The following PDCD11 variants were observed in gnomAD, a reference collection of about 807,000 sequenced individuals.
PDCD11 encodes the protein protein RRP5 homolog.
PDCD11 carries 97 observed loss-of-function variants against 198.9 expected under a neutral mutation model. The ratio of observed to expected loss-of-function variants is 0.49; its 90% CI spans 0.41 to 0.58. PDCD11 has a LOEUF of 0.58. PDCD11 is among the 20% of genes least tolerant of loss of function. The pLI, the probability that PDCD11 is intolerant of heterozygous loss-of-function variation, is 0.00. For missense variants in PDCD11, 2,102 were observed against 2,312.7 expected (o/e 0.91, Z 1.87); for synonymous variants, 893 against 918.0 (o/e 0.97, Z 0.49).
intron 21 of PDCD11, among the ~76,000 whole-genome samples, chr10:103,429,665 C>T (rs2031844705): frequency 6.6e-6 from 1 of 151,972 alleles, no homozygotes; most frequent in African/African-American, 2.4e-5. Flanking sequence ...CATACATTTA[C>T]CCTCAACAAT....
chr10:103,439,922 C>T, intron 28 of PDCD11, 54 bp downstream of exon 28: 1 of 1,606,602 alleles, frequency 6.2e-7, no homozygotes, highest in Non-Finnish European at 8.5e-7. Context: ...ACCCCTTTCT[C>T]CAGGAGCCCT....
chr10:103,415,655 C>T (rs1408403931), intron 12 of PDCD11, among the ~76,000 whole-genome samples: 3 of 152,192 alleles, frequency 2.0e-5, no homozygotes, highest in African/African-American at 7.2e-5. Flanking sequence ...CAGAGTCACA[C>T]AGCTAATACA....
chr10:103,429,702 C>T (rs565504182), intron 21 of PDCD11, among the ~76,000 whole-genome samples: 1 of 152,194 alleles, frequency 6.6e-6, no homozygotes, highest in Non-Finnish European at 1.5e-5. Flanking sequence ...CCTGAAACAA[C>T]ATGCATTGTT....
Position 103,414,297 on chromosome 10 carries a change from A to G in PDCD11, c.1338A>G (p.Arg446=), listed in dbSNP as rs779352272. 1 of 1,613,770 alleles carries G rather than the reference A, an allele frequency of 6.2e-7. No homozygotes were observed. Among genetic ancestry groups the G allele is most frequent in the Non-Finnish European group, 8.5e-7 (1 of 1,179,654 alleles). The change falls in exon 11 of 36, where the codon AGA becomes AGG. Residue 446 remains arginine (R), a synonymous_variant. Transcript: ENST00000369797. ...RTSIIEAQYL[R]YHDIEPGAVV... is the part of the protein sequence containing the mutation. ...CTATTATTGAAGCTCAGTACCTTAG[A>G]TATCATGACATCGAACCTGGGGCAG...
rs754171502 is a variant in PDCD11 at position 103,444,068 on chromosome 10, C to T, written c.5278C>T (p.His1760Tyr). ...RALECLPSKE[H>Y]VDVIAKFAQL... is the part of the protein sequence containing the mutation. ...CCTGGAGTGCCTGCCTAGCAAGGAG[C>T]GTGAGTGCTCATTCCCAGCTCCTGA... Residue 1760 changes from histidine (H) to tyrosine (Y), a missense_variant and splice_region_variant, in exon 34 of 36, where the codon CAT becomes TAT. Coordinates refer to ENST00000369797, the MANE Select transcript of PDCD11 (RefSeq NM_014976.2). The T allele has an allele frequency of 4.4e-5, 71 of 1,609,882 alleles. No individual in the cohort carries two copies. The highest frequency in any genetic ancestry group is 2.0e-4 in the African/African-American group (15 of 74,830).
At position 103,427,398 on chromosome 10, in the gene PDCD11, G is replaced by A. The variant is rs1592133124; in HGVS notation, c.3368+7G>A. The A allele has an allele frequency of 3.1e-6, 5 of 1,608,800 alleles. No homozygotes were observed. Among genetic ancestry groups the A allele is most frequent in the Non-Finnish European group, 4.2e-6 (5 of 1,176,954 alleles). On this transcript the variant is annotated splice_region_variant and intron_variant, in intron 21 of 35. Coordinates refer to ENST00000369797, the MANE Select transcript of PDCD11 (RefSeq NM_014976.2). ...AGCTGAGTGTTCGGCCAAGGTGAGG[G>A]GGACATTAGCAGCACTGTCTTACGG...
At chr10:103,411,118 T>G (rs575142297) in intron 8 of PDCD11, among the ~76,000 whole-genome samples, 1 of 151,332 alleles carries the variant, frequency 6.6e-6, no homozygotes, top group East Asian at 2.0e-4. Context: ...GGTCTCGCCA[T>G]GTTGCCCAGA....
In PDCD11 at chr10:103,402,986, ATTGG is replaced by A; in HGVS notation, c.235-131_235-128del. ...TCCTCCTGCCTTGGCCACCCAAAGT[ATTGG>A]AATTATAGGGCGTAAGCCACTGTGC... On this transcript the variant is annotated intron_variant, in intron 3 of 35. Transcript: ENST00000369797. 12 of 825,420 alleles carry A rather than the reference ATTGG, an allele frequency of 1.5e-5. No homozygotes were observed. In the South Asian group the frequency reaches 2.1e-4, roughly 14 times the overall value. The allele number at this position is 825,420 out of a possible 1,614,324, so 51.1% of individuals were successfully genotyped here.
Position 103,440,547 on chromosome 10 carries a change from G to T in PDCD11, c.4406G>T (p.Gly1469Val). Residue 1469 changes from glycine (G) to valine (V), a missense_variant, in exon 29 of 36, where the codon GGC becomes GTC. Coordinates refer to ENST00000369797, the MANE Select transcript of PDCD11 (RefSeq NM_014976.2). The stretch of plus-strand genomic sequence containing the variant: ...CAGAAGCCACAGGCGCAGAAGCGGG[G>T]CGGGCGGGAGTGCCGGGAGTCTGGG... ...QPQKPQAQKR[G>V]GRECRESGSE... The T allele has an allele frequency of 6.2e-7, 1 of 1,612,498 alleles. No individual in the cohort carries two copies. The highest frequency in any genetic ancestry group is 8.5e-7 in the Non-Finnish European group (1 of 1,179,928).
chr10:103,397,403 T>C (rs2093442410), intron 1 of PDCD11, among the ~76,000 whole-genome samples: 1 of 152,134 alleles, frequency 6.6e-6, no homozygotes, highest in Admixed American at 6.5e-5. Context: ...ACTACCCATA[T>C]CTAATTCAAG....
rs550966596 is a variant in PDCD11 at position 103,441,912 on chromosome 10, G to A, written c.4644G>A (p.Pro1548=). The A allele has an allele frequency of 9.3e-6, 15 of 1,614,192 alleles. No individual in the cohort carries two copies. Among genetic ancestry groups the A allele is most frequent in the South Asian group, 5.5e-5 (5 of 91,084 alleles). The change falls in exon 31 of 36, where the codon CCG becomes CCA. Residue 1548 remains proline, a synonymous_variant. Transcript: ENST00000369797. ...AWNVGLDSLT[P]ALPPLAESSD... is the part of the protein sequence containing the mutation. ...ATGTGGGACTAGACTCTCTGACCCC[G>A]GCCTTGCCACCTCTAGCAGAGAGCT...
At chr10:103,431,582 A>T (rs1455723508) in intron 21 of PDCD11, among the ~76,000 whole-genome samples, 4 of 130,232 alleles carry the variant, frequency 3.1e-5, no homozygotes, top group Non-Finnish European at 6.9e-5. Flanking sequence ...ACAAAGCAAG[A>T]CTCTGTCTCA....
chr10:103,437,813 A>G (rs1475335333), intron 25 of PDCD11, among the ~76,000 whole-genome samples: 1 of 152,176 alleles, frequency 6.6e-6, no homozygotes, highest in Non-Finnish European at 1.5e-5. Flanking sequence ...TATTTAATAG[A>G]CTAGTAAACT....
chr10:103,405,851 G>A, intron 5 of PDCD11, 134 bp from the exon 6 acceptor site: 1 of 917,418 alleles, frequency 1.1e-6, no homozygotes, highest in Non-Finnish European at 1.7e-6. Flanking sequence ...GTGGGATTGT[G>A]GCTTAAGGTT....
In PDCD11 at chr10:103,424,977, C is replaced by CT. The variant is rs758404057; in HGVS notation, c.2764-5dup. 1.4e-5 allele frequency: 23 copies of CT among 1,613,524 alleles called. No homozygotes were observed. The South Asian group carries it at 2.5e-4, about 18-fold the overall frequency. ...AAAGCAGGGATGGTGGCTTTTCTCT[C>CT]TTCTAGCTGAGGAAAGGCAGCGAAC... On this transcript the variant is annotated splice_polypyrimidine_tract_variant and splice_region_variant and intron_variant, in intron 19 of 35. Transcript: ENST00000369797.
chr10:103,427,453 C>A, intron 21 of PDCD11, 62 bp downstream of exon 21: 4 of 1,291,668 alleles, frequency 3.1e-6, no homozygotes, highest in Non-Finnish European at 4.3e-6. Flanking sequence ...AATTAGGAAT[C>A]CCGAATTCGA....
chr10:103,432,442 C>G (rs961923984), intron 22 of PDCD11, among the ~76,000 whole-genome samples: 1 of 152,200 alleles, frequency 6.6e-6, no homozygotes, highest in Non-Finnish European at 1.5e-5. Context: ...AATTAGCAAG[C>G]AGCTCGTAAT....
rs750487532 is a variant in PDCD11, at chr10:103,441,857, G to A, written c.4589G>A (p.Arg1530Gln). 1.2e-5 allele frequency: 19 copies of A among 1,614,032 alleles called. No individual in the cohort carries two copies. The highest frequency in any genetic ancestry group is 1.5e-5 in the Non-Finnish European group (18 of 1,180,014). ...CAAACCAAGCCAGCAGAAGCGCCCC[G>A]GCTGCAGCTGTCTTCAGGCTTCGCT... ...EKQTKPAEAPRLQLSSGFAWN... is the reference protein window; with the variant it reads ...EKQTKPAEAPQLQLSSGFAWN... The change falls in exon 31 of 36, where the codon CGG (arginine) becomes CAG (glutamine). Residue 1530 changes from arginine (R) to glutamine (Q), a missense_variant. Transcript: ENST00000369797.
chr10:103,439,132 A>T (rs1336288273), intron 27 of PDCD11, among the ~76,000 whole-genome samples: 1 of 152,090 alleles, frequency 6.6e-6, no homozygotes, highest in Non-Finnish European at 1.5e-5. Flanking sequence ...GAAGGCCAGG[A>T]GTTCAAGACC....
Sources: allele counts gnomAD v4.1 joint callset (sites outside exome capture counted in the v4.1 genomes callset), GRCh38; gene constraint gnomAD v4.1.1; transcripts MANE v1.5; gene names NCBI Gene and HGNC (gene_info 2026-07-23, HGNC 2026-07-21).